The following SOAT1 variants were observed in gnomAD, a reference collection of about 807,000 sequenced individuals.
The protein encoded by SOAT1 is sterol O-acyltransferase 1.
A neutral mutation model predicts 69.5 loss-of-function variants in SOAT1; 55 were observed. The ratio of observed to expected loss-of-function variants is 0.79; its 90% confidence interval spans 0.64 to 0.99. The LOEUF (loss-of-function observed/expected upper bound fraction) is 0.99. SOAT1 is among the 50% of genes least tolerant of loss of function. The probability of loss-of-function intolerance (pLI) is 0.00; values close to 1 mark genes in which losing one functional copy is unlikely to be tolerated. For missense variants in SOAT1, 580 were observed against 669.3 expected (o/e 0.87, Z 1.47); for synonymous variants, 231 against 224.7 (o/e 1.03, Z -0.25).
rs148129910 is a variant in SOAT1, at chr1:179,343,626, G to T, written c.978G>T (p.Lys326Asn). The T allele has an allele frequency of 6.2e-7, 1 of 1,611,092 alleles. No homozygotes were observed. Among genetic ancestry groups the T allele is most frequent in the Non-Finnish European group, 8.5e-7 (1 of 1,178,122 alleles). Residue 326 changes from lysine to asparagine, a missense_variant, in exon 10 of 16, where the codon AAG becomes AAT. Lys to Asn is a moderately conservative substitution (Grantham distance 94). Transcript: ENST00000367619. ...PTVRWGYVAM[K>N]FAQVFGCFFY... Reference sequence around the variant, plus strand: ...TAAGATGGGGTTATGTCGCTATGAAGTTTGCACAGGTAAGTTTTTGTAACT... The same window carrying T: ...TAAGATGGGGTTATGTCGCTATGAATTTTGCACAGGTAAGTTTTTGTAACT...
chr1:179,348,760 A>AAGTGTGTGTGTG lies in SOAT1; in HGVS notation c.1216-84_1216-83insAGTGTGTGTGTG, dbSNP rs1491311101. Reference sequence around the variant, plus strand: ...TCAGGGGGGTTTGCTTTCGGGTGGGATGTGTGTGTGTGTGTGTGTGTGTGT... The same window carrying AAGTGTGTGTGTG: ...TCAGGGGGGTTTGCTTTCGGGTGGGAAGTGTGTGTGTGTGTGTGTGTGTGTGTGTGTGTGTGT... On this transcript the variant is annotated intron_variant, in intron 12 of 15. Transcript: ENST00000367619. 7 of 529,514 alleles carry AAGTGTGTGTGTG rather than the reference A, an allele frequency of 1.3e-5. No individual in the cohort carries two copies. In the African/African-American group the frequency reaches 1.5e-4, roughly 11 times the overall value. The allele number at this position is 529,514 out of a possible 1,614,324, so 32.8% of individuals were successfully genotyped here.
At chr1:179,339,347 G>T (rs983528392) in intron 5 of SOAT1, 91 bp from the exon 6 acceptor site, 7 of 779,444 alleles carry the variant, frequency 9.0e-6, no homozygotes, top group Non-Finnish European at 1.4e-5. Context: ...CTTCTCAACT[G>T]CTTTAAGTTA....
intron 3 of SOAT1, among the ~76,000 whole-genome samples, chr1:179,329,914 T>G (rs1279898644): frequency 6.6e-6 from 1 of 152,076 alleles, no homozygotes; most frequent in Non-Finnish European, 1.5e-5. Context: ...ATGTCAACAG[T>G]TCAGAGGTAG....
At chr1:179,348,760 ATGTGTGTGTGTGTGTGTGTGTGTGTG>A (rs71111912) in intron 12 of SOAT1, 58 bp from the exon 13 acceptor site, 219,788 of 589,174 alleles carry the variant, frequency 0.37, 23,508 homozygotes, top group East Asian at 0.44. Context: ...TTCGGGTGGG[ATGTGTGTGTGTGTGTGTGTGTGTGTG>A]TGTGTGTGTG....
At chr1:179,345,771 A>C (rs1666512541) in intron 11 of SOAT1, among the ~76,000 whole-genome samples, 1 of 151,922 alleles carries the variant, frequency 6.6e-6, no homozygotes, top group Non-Finnish European at 1.5e-5. Flanking sequence ...GCCATTCTCA[A>C]ACTCCTGGGC....
In SOAT1 at chr1:179,357,508, T is replaced by C. The variant is rs1482958579; in HGVS notation, c.*3867T>C. The C allele has an allele frequency of 6.6e-6, 1 of 152,200 alleles. No homozygotes were observed. The highest frequency in any genetic ancestry group is 1.5e-5 in the Non-Finnish European group (1 of 68,058). The allele number at this position is 152,200 out of a possible 1,614,324, so 9.4% of individuals were successfully genotyped here. A position where few individuals can be genotyped will look rare whatever the true frequency, so the allele number is the denominator to read the frequency against. On this transcript the variant is annotated 3_prime_UTR_variant, in exon 16 of 16. Coordinates refer to ENST00000367619, the MANE Select transcript of SOAT1 (RefSeq NM_003101.6). ...GAGCCATGCTCCCGGCCAAAGTGAA[T>C]GTTTTGGGTGAAGTTTATATAAGGA...
At chr1:179,311,700 G>T (rs1190771305) in intron 2 of SOAT1, among the ~76,000 whole-genome samples, 3 of 151,892 alleles carry the variant, frequency 2.0e-5, no homozygotes, top group Non-Finnish European at 4.4e-5. Context: ...TAAATCATAG[G>T]TTTGATGTTC....
At chr1:179,331,694 G>A (rs1665980207) in intron 3 of SOAT1, among the ~76,000 whole-genome samples, 1 of 152,184 alleles carries the variant, frequency 6.6e-6, no homozygotes, top group Non-Finnish European at 1.5e-5. Context: ...TCAAGTAAGT[G>A]CAATGAAGGA....
rs770468102 is a variant in SOAT1 at position 179,302,689 on chromosome 1, T to C, written c.5T>C (p.Val2Ala). 2 of 1,593,624 alleles carry C rather than the reference T, an allele frequency of 1.3e-6. No homozygotes were observed. The highest frequency in any genetic ancestry group is 1.4e-5 in the African/African-American group (1 of 73,460). ...CCTTCTTTCCTAGACAATACAATGG[T>C]GGGTGAAGAGAAGATGTCTCTAAGA... M[V>A]GEEKMSLRNR... The change falls in exon 2 of 16, where the codon GTG becomes GCG. Residue 2 changes from valine to alanine, a missense_variant. Coordinates refer to ENST00000367619, the MANE Select transcript of SOAT1 (RefSeq NM_003101.6).
chr1:179,304,435 G>A (rs1000640487), intron 2 of SOAT1, among the ~76,000 whole-genome samples: 5 of 151,890 alleles, frequency 3.3e-5, no homozygotes, highest in Admixed American at 1.3e-4. Flanking sequence ...GCGTCACCAC[G>A]TGCAGATAAT....
chr1:179,341,066 G>A lies in SOAT1; in HGVS notation c.536G>A (p.Gly179Asp), dbSNP rs1343384500. ...TTCAGCCTCCTGTCTTATGCTTTTG[G>A]CAAATTTCCTACCGTTGTTTGGACC... is the stretch of plus-strand genomic sequence containing the variant. Reference protein sequence around the residue: ...LEFSLLSYAFGKFPTVVWTWW... With the variant: ...LEFSLLSYAFDKFPTVVWTWW... Residue 179 changes from glycine (G) to aspartate (D), a missense_variant, in exon 7 of 16, where the codon GGC becomes GAC. Transcript: ENST00000367619. 1.9e-6 allele frequency: 3 copies of A among 1,613,942 alleles called. No homozygotes were observed. Among genetic ancestry groups the A allele is most frequent in the East Asian group, 2.2e-5 (1 of 44,864 alleles).
chr1:179,308,255 A>T (rs1665086720), intron 2 of SOAT1, among the ~76,000 whole-genome samples: 1 of 152,206 alleles, frequency 6.6e-6, no homozygotes, highest in Admixed American at 6.5e-5. Context: ...AGATAATATG[A>T]TGTTGTAACA....
chr1:179,338,073 C>T (rs1019621340), intron 5 of SOAT1, among the ~76,000 whole-genome samples, 177 bp downstream of exon 5: 12 of 151,508 alleles, frequency 7.9e-5, no homozygotes, highest in African/African-American at 2.7e-4. Flanking sequence ...TATCTAGTTT[C>T]AAAAGAGGAG....
Position 179,358,262 on chromosome 1 carries a change from T to C in SOAT1, c.*4621T>C, listed in dbSNP as rs1571469183. The C allele has an allele frequency of 1.3e-5, 2 of 152,218 alleles. No individual in the cohort carries two copies. The allele number at this position is 152,218 out of a possible 1,614,324, so 9.4% of individuals were successfully genotyped here. On this transcript the variant is annotated 3_prime_UTR_variant, in exon 16 of 16. Coordinates refer to ENST00000367619, the MANE Select transcript of SOAT1 (RefSeq NM_003101.6). ...AGTTTAAAAAACTCTAAAACTTCTG[T>C]ACTGTTTTTTTCTTAAGTGCTCTCT... is the stretch of plus-strand genomic sequence containing the variant.
chr1:179,344,319 T>C (rs1666444086), intron 10 of SOAT1, among the ~76,000 whole-genome samples: 2 of 145,964 alleles, frequency 1.4e-5, no homozygotes, highest in Non-Finnish European at 3.0e-5. Flanking sequence ...CTCAATCAAA[T>C]GCCCATTTAT....
chr1:179,341,476 C>G (rs1338921504), intron 7 of SOAT1, among the ~76,000 whole-genome samples, 166 bp downstream of exon 7: 1 of 151,716 alleles, frequency 6.6e-6, no homozygotes, highest in African/African-American at 2.4e-5. Flanking sequence ...ATCATCTCAC[C>G]TCTTAAGTTT....
intron 2 of SOAT1, among the ~76,000 whole-genome samples, chr1:179,303,057 C>T (rs191371992): frequency 1.5e-3 from 234 of 152,210 alleles, no homozygotes; most frequent in African/African-American, 5.4e-3. Context: ...TGAGGTCCCC[C>T]GCTGGATGCT....
chr1:179,319,773 G>A (rs1056259502), intron 2 of SOAT1, among the ~76,000 whole-genome samples: 3 of 151,786 alleles, frequency 2.0e-5, no homozygotes, highest in Admixed American at 6.6e-5. Flanking sequence ...CGCATCCCAC[G>A]CCCAGCTAAC....
chr1:179,316,899 T>A (rs1204475271), intron 2 of SOAT1, among the ~76,000 whole-genome samples: 1 of 152,198 alleles, frequency 6.6e-6, no homozygotes, highest in Non-Finnish European at 1.5e-5. Flanking sequence ...AATAGAAGAT[T>A]AAATTATATT....
Sources: allele counts gnomAD v4.1 joint callset (sites outside exome capture counted in the v4.1 genomes callset), GRCh38; gene constraint gnomAD v4.1.1; transcripts MANE v1.5; gene names NCBI Gene and HGNC (gene_info 2026-07-23, HGNC 2026-07-21).